SNX33: variants seen among roughly 807,000 people sequenced by gnomAD.
SNX33 encodes the protein sorting nexin-33.
Under a neutral mutation model 38.8 loss-of-function variants are expected in SNX33, and 19 were observed. The observed-to-expected ratio is 0.49, with a 90% CI of 0.34 to 0.72. SNX33 has a LOEUF of 0.72. Ranked by LOEUF, SNX33 falls within the 30% of genes least tolerant of loss-of-function variation. The probability of loss-of-function intolerance (pLI) is 0.01; values close to 1 mark genes in which losing one functional copy is unlikely to be tolerated. For missense variants in SNX33, 641 were observed against 776.4 expected (o/e 0.83, Z 2.07); for synonymous variants, 246 against 289.7 (o/e 0.85, Z 1.53).
chr15:75,655,263 G>T (rs1893639827), intron 1 of SNX33, among the ~76,000 whole-genome samples: 2 of 152,230 alleles, frequency 1.3e-5, no homozygotes. Flanking sequence ...CCTCTGTACA[G>T]TAGTAGGATG....
chr15:75,650,435 C>T lies in SNX33; in HGVS notation c.1333C>T (p.His445Tyr). 6.2e-7 allele frequency: 1 copy of T among 1,614,160 alleles called. No homozygotes were observed. The highest frequency in any genetic ancestry group is 8.5e-7 in the Non-Finnish European group (1 of 1,180,028). ...CSEALNSAIS[H>Y]TGRTYEAIGE... ...TGAGGCCCTCAACAGTGCCATTTCT[C>T]ACACGGGCCGTACCTATGAAGCCAT... The change falls in exon 1 of 2, where the codon CAC becomes TAC. Residue 445 changes from histidine to tyrosine, a missense_variant. Coordinates refer to ENST00000308527, the MANE Select transcript of SNX33 (RefSeq NM_153271.2). This position sits in a 1 kb window ranked among gnomAD's most constrained non-coding sequence, Gnocchi z 6.1.
Position 75,648,113 on chromosome 15 carries a change from C to T in SNX33, c.-990C>T. On this transcript the variant is annotated 5_prime_UTR_variant, in exon 1 of 2. Coordinates refer to ENST00000308527, the MANE Select transcript of SNX33 (RefSeq NM_153271.2). The surrounding 1 kb of genome is among the most constrained non-coding windows in gnomAD (Gnocchi z 4.4). Reference sequence around the variant, plus strand: ...CTCCAAACTGTTGAGTGTGTGCGTGCACGCGAGGGTGGTGATCGGGGGTCG... The same window carrying T: ...CTCCAAACTGTTGAGTGTGTGCGTGTACGCGAGGGTGGTGATCGGGGGTCG... The T allele has an allele frequency of 3.0e-6, 3 of 985,502 alleles. No homozygotes were observed. The highest frequency in any genetic ancestry group is 3.6e-6 in the Non-Finnish European group (3 of 829,988). 61.0% of individuals were successfully genotyped at this position (985,502 alleles called of 1,614,324 possible). A position where few individuals can be genotyped will look rare whatever the true frequency, so the allele number is the denominator to read the frequency against.
Position 75,649,633 on chromosome 15 carries a change from T to G in SNX33, c.531T>G (p.Ser177Arg). 6.2e-7 allele frequency: 1 copy of G among 1,611,154 alleles called. No homozygotes were observed. The highest frequency in any genetic ancestry group is 8.5e-7 in the Non-Finnish European group (1 of 1,178,420). The stretch of plus-strand genomic sequence containing the variant: ...GCCTGGCATCTGCCAAGCGAGGCAG[T>G]GTGGTGGGCCGTAACCTCAACCGTT... ...QDSLASAKRG[S>R]VVGRNLNRFS... The change falls in exon 1 of 2, where the codon AGT becomes AGG. Residue 177 changes from serine (S) to arginine (R), a missense_variant. Ser to Arg is a moderately radical substitution (Grantham distance 110). Coordinates refer to ENST00000308527, the MANE Select transcript of SNX33 (RefSeq NM_153271.2). The surrounding 1 kb of genome is among the most constrained non-coding windows in gnomAD (Gnocchi z 6.6).
Position 75,648,088 on chromosome 15 carries a change from C to G in SNX33, c.-1015C>G. 1.0e-6 allele frequency: 1 copy of G among 985,486 alleles called. No individual in the cohort carries two copies. Among genetic ancestry groups the G allele is most frequent in the Non-Finnish European group, 1.2e-6 (1 of 829,968 alleles). 61.0% of individuals were successfully genotyped at this position (985,486 alleles called of 1,614,324 possible). A position where few individuals can be genotyped will look rare whatever the true frequency, so the allele number is the denominator to read the frequency against. On this transcript the variant is annotated 5_prime_UTR_variant, in exon 1 of 2. Coordinates refer to ENST00000308527, the MANE Select transcript of SNX33 (RefSeq NM_153271.2). This position sits in a 1 kb window ranked among gnomAD's most constrained non-coding sequence, Gnocchi z 4.4. ...TGCTCGCCGGAGCTCACTCTCCAAA[C>G]TCCAAACTGTTGAGTGTGTGCGTGC... is the stretch of plus-strand genomic sequence containing the variant.
intron 1 of SNX33, among the ~76,000 whole-genome samples, chr15:75,651,501 C>G (rs142645020): frequency 6.6e-6 from 1 of 152,178 alleles, no homozygotes; most frequent in Non-Finnish European, 1.5e-5. Context: ...CATGAACTGC[C>G]GGGGAAATGA....
At position 75,650,529 on chromosome 15, in the gene SNX33, A is replaced by G; in HGVS notation, c.1427A>G (p.Gln476Arg). 1 of 1,611,146 alleles carries G rather than the reference A, an allele frequency of 6.2e-7. No homozygotes were observed. Among genetic ancestry groups the G allele is most frequent in the Non-Finnish European group, 8.5e-7 (1 of 1,178,894 alleles). Residue 476 changes from glutamine (Q) to arginine (R), a missense_variant, in exon 1 of 2, where the codon CAG (glutamine) becomes CGG (arginine). Physicochemically the swap from Gln to Arg is conservative, Grantham distance 43. This residue lies in a region of SNX33 where 398 missense variants were observed against 542.5 expected (regional missense o/e 0.73). Transcript: ENST00000308527. This position sits in a 1 kb window ranked among gnomAD's most constrained non-coding sequence, Gnocchi z 6.1. ...ATGCTGGACACACTGTCTCTCTACC[A>G]GGGCCTGCTCTCCAACTTCCCTGAC... ...FQMLDTLSLY[Q>R]GLLSNFPDII... is the part of the protein sequence containing the mutation.
chr15:75,651,832 G>T (rs1345422344), intron 1 of SNX33, among the ~76,000 whole-genome samples: 1 of 152,216 alleles, frequency 6.6e-6, no homozygotes, highest in Non-Finnish European at 1.5e-5. Flanking sequence ...GGGCCAGGGG[G>T]CAGACCTCTG....
chr15:75,655,788 G>A (rs1893645989), intron 1 of SNX33, among the ~76,000 whole-genome samples: 2 of 152,136 alleles, frequency 1.3e-5, no homozygotes, highest in African/African-American at 4.8e-5. Flanking sequence ...TAGTGGGTGC[G>A]TTTGCAGTGC....
rs1361550022 is a variant in SNX33 at position 75,658,661 on chromosome 15, C to G, written c.*1446C>G. ...AAGCATGACTTTTTCTGTTTGGATC[C>G]CAGAAAGGCGGAGGGCAGGAGAAGG... On this transcript the variant is annotated 3_prime_UTR_variant, in exon 2 of 2. Coordinates refer to ENST00000308527, the MANE Select transcript of SNX33 (RefSeq NM_153271.2). The surrounding 1 kb of genome is among the most constrained non-coding windows in gnomAD (Gnocchi z 4.1). 6.6e-6 allele frequency: 1 copy of G among 152,556 alleles called. No individual in the cohort carries two copies. The highest frequency in any genetic ancestry group is 1.9e-4 in the East Asian group (1 of 5,194). The allele number at this position is 152,556 out of a possible 1,614,324, so 9.5% of individuals were successfully genotyped here. A position where few individuals can be genotyped will look rare whatever the true frequency, so the allele number is the denominator to read the frequency against.
intron 1 of SNX33, among the ~76,000 whole-genome samples, chr15:75,651,706 G>C (rs993074751): frequency 1.3e-5 from 2 of 152,276 alleles, no homozygotes; most frequent in African/African-American, 4.8e-5. Flanking sequence ...TGTCAGGAGA[G>C]AGGTGTGATC....
rs1596001493 is a variant in SNX33 at position 75,661,796 on chromosome 15, G to A, written c.*4581G>A. Reference sequence around the variant, plus strand: ...CATCACTCCTTAGAGTCACACTGATGAACTCATTTAGGGCCAAAGGAAGAA... The same window carrying A: ...CATCACTCCTTAGAGTCACACTGATAAACTCATTTAGGGCCAAAGGAAGAA... On this transcript the variant is annotated 3_prime_UTR_variant, in exon 2 of 2. Coordinates refer to ENST00000308527, the MANE Select transcript of SNX33 (RefSeq NM_153271.2). The surrounding 1 kb of genome is among the most constrained non-coding windows in gnomAD (Gnocchi z 4.5). 1 of 152,172 alleles carries A rather than the reference G, an allele frequency of 6.6e-6. No individual in the cohort carries two copies. Among genetic ancestry groups the A allele is most frequent in the East Asian group, 1.9e-4 (1 of 5,182 alleles). 9.4% of individuals were successfully genotyped at this position (152,172 alleles called of 1,614,324 possible).
rs962760569 is a variant in SNX33 at position 75,648,229 on chromosome 15, C to A, written c.-874C>A. The A allele has an allele frequency of 2.0e-6, 2 of 985,306 alleles. No individual in the cohort carries two copies. Among genetic ancestry groups the A allele is most frequent in the African/African-American group, 3.5e-5 (2 of 57,214 alleles). 61.0% of individuals were successfully genotyped at this position (985,306 alleles called of 1,614,324 possible). A position where few individuals can be genotyped will look rare whatever the true frequency, so the allele number is the denominator to read the frequency against. ...GCAGGGTCAGCGTCAGGCTCAGAAACTGCTGAGGAATTAGGCAAACAAAAG... is the reference window on the plus strand; with the variant it reads ...GCAGGGTCAGCGTCAGGCTCAGAAAATGCTGAGGAATTAGGCAAACAAAAG... On this transcript the variant is annotated 5_prime_UTR_variant, in exon 1 of 2. It adds an upstream start codon to the 5' untranslated region. Coordinates refer to ENST00000308527, the MANE Select transcript of SNX33 (RefSeq NM_153271.2). The surrounding 1 kb of genome is among the most constrained non-coding windows in gnomAD (Gnocchi z 4.4).
Position 75,650,957 on chromosome 15 carries a change from A to G in SNX33, c.1471+384A>G, listed in dbSNP as rs1352700190. 2.0e-5 allele frequency among the ~76,000 whole-genome samples: 3 copies of G among 152,214 alleles called. No individual in the cohort carries two copies. The highest frequency in any genetic ancestry group is 4.4e-5 in the Non-Finnish European group (3 of 68,048). ...TAGGTGCAGGGATATTGTTGTGCAC[A>G]GGCCCGGTCTCTGTCCTCATGGAGC... is the stretch of plus-strand genomic sequence containing the variant. On this transcript the variant is annotated intron_variant, in intron 1 of 1. Transcript: ENST00000308527. This position sits in a 1 kb window ranked among gnomAD's most constrained non-coding sequence, Gnocchi z 6.1.
At chr15:75,656,806 A>T (rs1350336081) in intron 1 of SNX33, among the ~76,000 whole-genome samples, 156 bp from the exon 2 acceptor site, 4 of 152,164 alleles carry the variant, frequency 2.6e-5, no homozygotes, top group Non-Finnish European at 5.9e-5. Context: ...CTTGGGTAAC[A>T]TCCTGGCAGA....
Position 75,661,879 on chromosome 15 carries a change from G to A in SNX33, c.*4664G>A, listed in dbSNP as rs1051087380. ...GGGATAGGAGGCTGGTGAACCCAAC[G>A]GCTGAAATGTGAAGGGTGAGAGGGT... is the stretch of plus-strand genomic sequence containing the variant. On this transcript the variant is annotated 3_prime_UTR_variant, in exon 2 of 2. Coordinates refer to ENST00000308527, the MANE Select transcript of SNX33 (RefSeq NM_153271.2). This position sits in a 1 kb window ranked among gnomAD's most constrained non-coding sequence, Gnocchi z 4.5. The A allele has an allele frequency of 3.9e-5, 6 of 152,224 alleles. No individual in the cohort carries two copies. Among genetic ancestry groups the A allele is most frequent in the Non-Finnish European group, 7.3e-5 (5 of 68,084 alleles). 9.4% of individuals were successfully genotyped at this position (152,224 alleles called of 1,614,324 possible). A position where few individuals can be genotyped will look rare whatever the true frequency, so the allele number is the denominator to read the frequency against.
chr15:75,652,308 C>A (rs1566967110), intron 1 of SNX33, among the ~76,000 whole-genome samples: 1 of 152,184 alleles, frequency 6.6e-6, no homozygotes, highest in African/African-American at 2.4e-5. Flanking sequence ...GGGGAGGTGG[C>A]CAGGCCTGCT....
At chr15:75,656,456 T>C (rs1163162601) in intron 1 of SNX33, among the ~76,000 whole-genome samples, 1 of 152,014 alleles carries the variant, frequency 6.6e-6, no homozygotes. Context: ...CTGTAGGTAG[T>C]GGAGAGCTAG....
Position 75,650,122 on chromosome 15 carries a change from G to C in SNX33, c.1020G>C (p.Gln340His). The C allele has an allele frequency of 6.2e-7, 1 of 1,614,150 alleles. No homozygotes were observed. Among genetic ancestry groups the C allele is most frequent in the Non-Finnish European group, 8.5e-7 (1 of 1,180,014 alleles). Residue 340 changes from glutamine to histidine, a missense_variant, in exon 1 of 2, where the codon CAG becomes CAC. By Grantham distance (24) the Gln-to-His change is conservative (BLOSUM62 0). Transcript: ENST00000308527. The surrounding 1 kb of genome is among the most constrained non-coding windows in gnomAD (Gnocchi z 6.1). ...QHFLSCLDDK[Q>H]WKMGKRRAEK... is the part of the protein sequence containing the mutation. ...TCCTCAGCTGCCTGGATGACAAGCA[G>C]TGGAAGATGGGCAAACGCCGGGCGG...
chr15:75,652,625 A>G (rs1893599816), intron 1 of SNX33, among the ~76,000 whole-genome samples: 1 of 152,176 alleles, frequency 6.6e-6, no homozygotes, highest in Non-Finnish European at 1.5e-5. Flanking sequence ...TGTTTCTAAG[A>G]GTCAGAGGCC....
Sources: gnomAD v4.1 joint callset for allele counts (sites outside exome capture counted in the v4.1 genomes callset) on GRCh38, gnomAD v4.1.1 for gene constraint, gnomAD v4.1.1 regional missense constraint, Gnocchi (gnomAD v3.1) non-coding constraint, MANE v1.5 for transcripts, NCBI Gene and HGNC (gene_info 2026-07-23, HGNC 2026-07-21) for gene names.